ADAMTSL1: variants seen among roughly 807,000 people sequenced by gnomAD.
The protein encoded by ADAMTSL1 is ADAMTS like 1, also known as ADAMTS-like protein 1.
A neutral mutation model predicts 201.8 loss-of-function variants in ADAMTSL1; 126 were observed. That is an observed-to-expected ratio of 0.62 (90% CI 0.54 to 0.72). The LOEUF is 0.72. Among genes scored for constraint, ADAMTSL1 ranks in the 30% least tolerant of loss-of-function variants. The pLI is 0.00. For synonymous variants in ADAMTSL1, 1,121 were observed against 903.4 expected, an observed-to-expected ratio of 1.24 and a Z score of -4.32; for missense variants, 2,679 against 2,277.8, an observed-to-expected ratio of 1.18 and a Z score of -3.59.
chr9:18,675,863 A>C lies in ADAMTSL1; in HGVS notation c.1092A>C (p.Gly364=). The change falls in exon 10 of 29, where the codon GGA becomes GGC. Residue 364 remains glycine (G), a synonymous_variant. Coordinates refer to ENST00000380548, the MANE Select transcript of ADAMTSL1 (RefSeq NM_001040272.6). The part of the protein sequence containing the change: ...CNLDPCPASD[G]YKQIMPYDLY... Reference sequence around the variant, plus strand: ...GCATTATTGTTCCTAACAGTGACGGATACAAGCAGATCATGCCTTATGACC... The same window carrying C: ...GCATTATTGTTCCTAACAGTGACGGCTACAAGCAGATCATGCCTTATGACC... 6.2e-7 allele frequency: 1 copy of C among 1,613,184 alleles called. No homozygotes were observed. Among genetic ancestry groups the C allele is most frequent in the Non-Finnish European group, 8.5e-7 (1 of 1,179,294 alleles).
rs953825790 is a variant in ADAMTSL1, at chr9:18,286,579, G to C, written c.207+122598G>C. Among the ~76,000 whole-genome samples the C allele has an allele frequency of 3.8e-4, 21 of 54,822 alleles. 2 individuals are homozygous for C. The highest frequency in any genetic ancestry group is 7.1e-4 in the Non-Finnish European group (14 of 19,852). 36.0% of individuals were successfully genotyped at this position (54,822 alleles called of 152,430 possible). On this transcript the variant is annotated intron_variant, in intron 2 of 29. Coordinates refer to the ADAMTSL1 transcript ENST00000680146. ...TTTCTATAGCAGTTTATGGTTTTCAGATATAATCATTTTAATGCAGCAGTC... is the reference window on the plus strand; with the variant it reads ...TTTCTATAGCAGTTTATGGTTTTCACATATAATCATTTTAATGCAGCAGTC...
intron 2 of ADAMTSL1, among the ~76,000 whole-genome samples, chr9:18,266,390 G>T (rs949212329): frequency 2.0e-5 from 3 of 152,134 alleles, no homozygotes; most frequent in Non-Finnish European, 4.4e-5. Context: ...GAGTCAGTCG[G>T]CCAAGAGAAC....
At chr9:18,145,377 C>T (rs147559672) in intron 1 of ADAMTSL1, among the ~76,000 whole-genome samples, 12 of 152,226 alleles carry the variant, frequency 7.9e-5, no homozygotes, top group Non-Finnish European at 1.8e-4. Flanking sequence ...CAGTTTCTTG[C>T]GTTCTAAGTG....
intron 23 of ADAMTSL1, among the ~76,000 whole-genome samples, chr9:18,851,684 C>T (rs1459251806): frequency 1.3e-5 from 2 of 152,136 alleles, no homozygotes; most frequent in Non-Finnish European, 2.9e-5. Context: ...TGATTCTTCC[C>T]TTGGGGTGGG....
At chr9:18,270,408 C>G (rs1832310941) in intron 2 of ADAMTSL1, among the ~76,000 whole-genome samples, 1 of 152,122 alleles carries the variant, frequency 6.6e-6, no homozygotes, top group African/African-American at 2.4e-5. Context: ...GATAATTCAG[C>G]TGGAATCCTA....
At chr9:18,161,493 CA>C (rs1387102522) in intron 1 of ADAMTSL1, among the ~76,000 whole-genome samples, 1 of 152,046 alleles carries the variant, frequency 6.6e-6, no homozygotes, top group African/African-American at 2.4e-5. Flanking sequence ...TGGGATTCAA[CA>C]GGGATCAACA....
At position 18,777,761 on chromosome 9, in the gene ADAMTSL1, G is replaced by A; in HGVS notation, c.3532G>A (p.Ala1178Thr). 3.1e-6 allele frequency: 5 copies of A among 1,613,732 alleles called. No individual in the cohort carries two copies. The highest frequency in any genetic ancestry group is 1.7e-5 in the Admixed American group (1 of 60,002). ...RKISAAQQLS[A>T]SEVVTHLGQT... The stretch of plus-strand genomic sequence containing the variant: ...GATCTCAGCGGCCCAGCAGCTCTCA[G>A]CCTCGGAGGTGGTCACCCACCTGGG... The change falls in exon 19 of 29, where the codon GCC (alanine) becomes ACC (threonine). Residue 1178 changes from alanine (A) to threonine (T), a missense_variant. Physicochemically the swap from Ala to Thr is moderately conservative, Grantham distance 58 (BLOSUM62 0). Coordinates refer to ENST00000380548, the MANE Select transcript of ADAMTSL1 (RefSeq NM_001040272.6).
At position 18,622,333 on chromosome 9, in the gene ADAMTSL1, C is replaced by T. The variant is rs751209198; in HGVS notation, c.565C>T (p.Arg189Ter). 6.2e-6 allele frequency: 10 copies of T among 1,613,880 alleles called. No homozygotes were observed. Among genetic ancestry groups the T allele is most frequent in the Middle Eastern group, 1.6e-4 (1 of 6,082 alleles). The change falls in exon 5 of 29, where the codon CGA (arginine) becomes TGA (stop). Residue 189 changes from arginine to a stop codon, truncating the protein, a stop_gained. Transcript: ENST00000380548. LOFTEE classifies it high-confidence loss of function. ...AGATGGGTCCACCTGCCGGCTGGTCCGAGGGCAGTATAAATCCCAGCTCTC... is the reference window on the plus strand; with the variant it reads ...AGATGGGTCCACCTGCCGGCTGGTCTGAGGGCAGTATAAATCCCAGCTCTC... ...NGDGSTCRLVRGQYKSQLSAT... is the reference protein window; with the variant it reads ...NGDGSTCRLV
At chr9:18,322,611 G>C (rs995853707) in intron 2 of ADAMTSL1, among the ~76,000 whole-genome samples, 1 of 151,986 alleles carries the variant, frequency 6.6e-6, no homozygotes, top group African/African-American at 2.4e-5. Context: ...CTCCAGCCTG[G>C]GTGACGAGAG....
intron 2 of ADAMTSL1, among the ~76,000 whole-genome samples, chr9:18,508,350 G>A (rs962417272): frequency 2.6e-5 from 4 of 151,962 alleles, no homozygotes; most frequent in African/African-American, 9.7e-5. Context: ...CTCCTTTTTT[G>A]TGTGTAATGA....
chr9:18,254,345 GTTTTTTTTTTTTTTTTTT>G (rs59026505), intron 2 of ADAMTSL1, among the ~76,000 whole-genome samples: 38 of 49,368 alleles, frequency 7.7e-4, no homozygotes, highest in East Asian at 4.0e-3. Flanking sequence ...ACTCTTTTTG[GTTTTTTTTTTTTTTTTTT>G]TTTTTTTTTT....
chr9:18,110,874 C>A (rs576501678), intron 1 of ADAMTSL1, among the ~76,000 whole-genome samples: 1 of 152,230 alleles, frequency 6.6e-6, no homozygotes, highest in East Asian at 1.9e-4. Context: ...ACCACCCCTC[C>A]CATAATATGT....
At chr9:18,559,967 G>T (rs1460162922) in intron 3 of ADAMTSL1, among the ~76,000 whole-genome samples, 1 of 152,144 alleles carries the variant, frequency 6.6e-6, no homozygotes, top group African/African-American at 2.4e-5. Flanking sequence ...GAGACAATTT[G>T]ACTTCCCCTT....
intron 9 of ADAMTSL1, among the ~76,000 whole-genome samples, chr9:18,671,808 T>C (rs569568823): frequency 5.9e-5 from 9 of 152,102 alleles, no homozygotes; most frequent in Non-Finnish European, 7.4e-5. Flanking sequence ...GAGGCCAAGG[T>C]GGGCAGATCA....
chr9:17,976,426 G>A (rs1818451457), intron 1 of ADAMTSL1, among the ~76,000 whole-genome samples: 1 of 151,570 alleles, frequency 6.6e-6, no homozygotes, highest in Admixed American at 6.6e-5. Flanking sequence ...AGTTTTTGGT[G>A]TACAGCTCTT....
chr9:18,181,720 T>A (rs1310002887), intron 2 of ADAMTSL1, among the ~76,000 whole-genome samples: 3 of 151,846 alleles, frequency 2.0e-5, no homozygotes, highest in African/African-American at 7.3e-5. Context: ...CTTGTGGAAG[T>A]CAGTGTGGCG....
At position 18,829,946 on chromosome 9, in the gene ADAMTSL1, G is replaced by A. The variant is rs781227023; in HGVS notation, c.4218G>A (p.Leu1406=). The change falls in exon 23 of 29, where the codon CTG becomes CTA. Residue 1406 remains leucine (L), a synonymous_variant. Transcript: ENST00000380548. The stretch of plus-strand genomic sequence containing the variant: ...TGACGTCTCCTCTGGGAACACAGCT[G>A]GTCCTGGATCCTGGGAATTCTGCTC... ...SVLTSPLGTQ[L]VLDPGNSALL... 1 of 1,613,326 alleles carries A rather than the reference G, an allele frequency of 6.2e-7. No homozygotes were observed. The highest frequency in any genetic ancestry group is 2.2e-5 in the East Asian group (1 of 44,852).
At position 18,648,177 on chromosome 9, in the gene ADAMTSL1, A is replaced by G; in HGVS notation, c.834+8766A>G. ...TGTCTCTTTTGATCTTTGTTGGTTT[A>G]AAGTCTGTTTTGTCAGAGACTAGGA... On this transcript the variant is annotated intron_variant, in intron 7 of 28. Coordinates refer to ENST00000380548, the MANE Select transcript of ADAMTSL1 (RefSeq NM_001040272.6). Among the ~76,000 whole-genome samples the G allele has an allele frequency of 1.4e-5, 2 of 139,838 alleles. 1 individual carries two copies. Among genetic ancestry groups the G allele is most frequent in the Non-Finnish European group, 3.2e-5 (2 of 62,546 alleles). The allele number at this position is 139,838 out of a possible 152,430, so 91.7% of individuals were successfully genotyped here. A position where few individuals can be genotyped will look rare whatever the true frequency, so the allele number is the denominator to read the frequency against.
At chr9:18,656,227 C>T (rs1564123982) in intron 7 of ADAMTSL1, among the ~76,000 whole-genome samples, 2 of 151,658 alleles carry the variant, frequency 1.3e-5, no homozygotes, top group Non-Finnish European at 2.9e-5. Flanking sequence ...CCCCTGCATC[C>T]GAGATGTTTA....
Sources: gnomAD v4.1 joint callset for allele counts (sites outside exome capture counted in the v4.1 genomes callset) on GRCh38, gnomAD v4.1.1 for gene constraint, MANE v1.5 for transcripts, NCBI Gene and HGNC (gene_info 2026-07-23, HGNC 2026-07-21) for gene names.